The following AFF3 variants were observed in gnomAD, a reference collection of about 807,000 sequenced individuals.
AFF3 encodes the protein ALF transcription elongation factor 3, also known as AF4/FMR2 family member 3.
AFF3 carries 32 observed loss-of-function variants against 129.7 expected under a neutral mutation model. The ratio of observed to expected loss-of-function variants is 0.25; its 90% CI spans 0.19 to 0.33. AFF3 has a LOEUF of 0.33. AFF3 is among the 10% of genes least tolerant of loss of function. The pLI, the probability that AFF3 is intolerant of heterozygous loss-of-function variation, is 1.00. For missense variants in AFF3, 1,373 were observed against 1,592.0 expected (o/e 0.86, Z 2.34); for synonymous variants, 644 against 635.4 (o/e 1.01, Z -0.20).
intron 18 of AFF3, among the ~76,000 whole-genome samples, chr2:99,572,137 CTG>C (rs1250657128): frequency 6.6e-6 from 1 of 152,144 alleles, no homozygotes; most frequent in African/African-American, 2.4e-5. Context: ...ATGGAACTAA[CTG>C]TGAATCATGG....
chr2:99,916,004 G>A (rs145084336), intron 7 of AFF3, among the ~76,000 whole-genome samples: 34 of 152,222 alleles, frequency 2.2e-4, no homozygotes, highest in South Asian at 8.3e-4. Flanking sequence ...AGCAAACCCC[G>A]GGAACTGCTA....
intron 7 of AFF3, among the ~76,000 whole-genome samples, chr2:99,873,731 T>G (rs79305188): frequency 1.3e-5 from 2 of 151,360 alleles, no homozygotes; most frequent in Non-Finnish European, 3.0e-5. Context: ...CTTAGTGGTT[T>G]TTTTTTTTTT....
At chr2:99,616,631 C>G (rs896938027) in intron 13 of AFF3, among the ~76,000 whole-genome samples, 1 of 152,046 alleles carries the variant, frequency 6.6e-6, no homozygotes, top group Non-Finnish European at 1.5e-5. Flanking sequence ...TGGTGTGCAC[C>G]TGTAGTCCCA....
At chr2:99,872,651 T>C (rs931128055) in intron 7 of AFF3, among the ~76,000 whole-genome samples, 1 of 125,598 alleles carries the variant, frequency 8.0e-6, no homozygotes, top group African/African-American at 3.7e-5. Context: ...AAATAAAATT[T>C]ATCGGTCTAT....
At chr2:99,674,280 G>A (rs1687423240) in intron 11 of AFF3, among the ~76,000 whole-genome samples, 1 of 152,168 alleles carries the variant, frequency 6.6e-6, no homozygotes, top group Non-Finnish European at 1.5e-5. Context: ...ACATACGCTT[G>A]GCTTCAAAGA....
intron 2 of AFF3, among the ~76,000 whole-genome samples, chr2:100,110,952 C>T (rs2105527685): frequency 6.6e-6 from 1 of 152,314 alleles, no homozygotes; most frequent in South Asian, 2.1e-4. Flanking sequence ...GAATGTTTTG[C>T]TTCCCTGCAG....
chr2:99,923,810 A>T (rs143880676), intron 7 of AFF3, among the ~76,000 whole-genome samples: 180 of 152,316 alleles, frequency 1.2e-3, no homozygotes, highest in African/African-American at 4.2e-3. Flanking sequence ...TGCTCCAAAC[A>T]TATTAAATGT....
chr2:99,660,866 T>G (rs1182317805), intron 12 of AFF3, among the ~76,000 whole-genome samples: 1 of 152,216 alleles, frequency 6.6e-6, no homozygotes, highest in African/African-American at 2.4e-5. Context: ...CCAAGGGACC[T>G]TGAATGATCA....
intron 8 of AFF3, among the ~76,000 whole-genome samples, chr2:99,771,022 G>C (rs756304127): frequency 6.6e-5 from 10 of 152,180 alleles, no homozygotes; most frequent in Admixed American, 3.3e-4. Flanking sequence ...AGGACCATCA[G>C]TGGTAGACTG....
chr2:100,010,993 A>T (rs927823130), intron 4 of AFF3, among the ~76,000 whole-genome samples: 2 of 152,140 alleles, frequency 1.3e-5, no homozygotes, highest in African/African-American at 4.8e-5. Context: ...AACAAAAAGC[A>T]GCCGGGCGCT....
intron 11 of AFF3, among the ~76,000 whole-genome samples, chr2:99,718,022 G>A (rs371029905): frequency 6.6e-6 from 1 of 152,042 alleles, no homozygotes; most frequent in Non-Finnish European, 1.5e-5. Flanking sequence ...TTTTTCTATT[G>A]ATTTATTTGT....
At position 99,684,941 on chromosome 2, in the gene AFF3, C is replaced by CTT. The variant is rs70940184; in HGVS notation, c.1092-12354_1092-12353dup. ...ATATACCAGGACTTTTTCTTTCTTT[C>CTT]TTTTTTTTTTTTTTGGAGACTGAGT... On this transcript the variant is annotated intron_variant, in intron 11 of 24. Coordinates refer to ENST00000672756, the MANE Select transcript of AFF3 (RefSeq NM_001386135.1). 4.6e-4 allele frequency among the ~76,000 whole-genome samples: 64 copies of CTT among 138,836 alleles called. 1 individual carries two copies. The highest frequency in any genetic ancestry group is 9.0e-4 in the South Asian group (4 of 4,442). The allele number at this position is 138,836 out of a possible 152,430, so 91.1% of individuals were successfully genotyped here.
chr2:99,714,221 C>A (rs1439905314), intron 11 of AFF3, among the ~76,000 whole-genome samples: 1 of 152,164 alleles, frequency 6.6e-6, no homozygotes, highest in African/African-American at 2.4e-5. Context: ...CTCCTCACCT[C>A]TTCTCCTTCA....
chr2:99,829,193 A>G (rs1164757102), intron 8 of AFF3, among the ~76,000 whole-genome samples: 1 of 152,238 alleles, frequency 6.6e-6, no homozygotes, highest in Non-Finnish European at 1.5e-5. Flanking sequence ...GATTAATAAA[A>G]CCAGAAAAAT....
chr2:99,789,232 C>T (rs1046817238), intron 8 of AFF3, among the ~76,000 whole-genome samples: 12 of 151,868 alleles, frequency 7.9e-5, no homozygotes, highest in African/African-American at 2.4e-4. Context: ...GCCAGGAGCT[C>T]GAGACCATCC....
intron 4 of AFF3, among the ~76,000 whole-genome samples, chr2:100,044,073 AGCCGATCTGGCCATGGG>A (rs1480582638): frequency 2.6e-5 from 4 of 152,142 alleles, no homozygotes; most frequent in Admixed American, 2.6e-4. Flanking sequence ...TTTCCTTCCC[AGCCGATCTGGCCATGGG>A]GCCAGGAATG....
rs1209807245 is a variant in AFF3, at chr2:100,089,189, C to T, written c.53+15213G>A. On this transcript the variant is annotated intron_variant, in intron 4 of 24. Transcript: ENST00000672756. ...ATACACGTTCACTCACTGGCCTCAA[C>T]AGTCGATTATCACTCCCTATTTATT... 5.3e-5 allele frequency among the ~76,000 whole-genome samples: 8 copies of T among 152,076 alleles called. No individual in the cohort carries two copies. In the East Asian group the frequency reaches 9.7e-4, roughly 18 times the overall value.
chr2:99,625,905 T>C (rs369490001), intron 13 of AFF3, among the ~76,000 whole-genome samples: 52 of 152,348 alleles, frequency 3.4e-4, no homozygotes, highest in East Asian at 1.9e-3. Context: ...AAATAAAACC[T>C]GTTTACATCT....
At position 100,006,762 on chromosome 2, in the gene AFF3, G is replaced by A. The variant is rs1485483467; in HGVS notation, c.743C>T (p.Ser248Phe). Residue 248 changes from serine to phenylalanine, a missense_variant, in exon 7 of 25, where the codon TCT becomes TTT. Transcript: ENST00000672756. The stretch of plus-strand genomic sequence containing the variant: ...TTCCGAAGACGACTTCAGCTTAGGA[G>A]ACTCATCAGGGGCCTGATCTTGGCC... ...MDGQDQAPDE[S>F]PKLKSSSETS... 6.2e-7 allele frequency: 1 copy of A among 1,614,180 alleles called. No individual in the cohort carries two copies. The highest frequency in any genetic ancestry group is 8.5e-7 in the Non-Finnish European group (1 of 1,180,026).
Sources: gnomAD v4.1 joint callset for allele counts (sites outside exome capture counted in the v4.1 genomes callset) on GRCh38, gnomAD v4.1.1 for gene constraint, MANE v1.5 for transcripts, NCBI Gene and HGNC (gene_info 2026-07-23, HGNC 2026-07-21) for gene names.